REEP5: variants seen among roughly 807,000 people sequenced by gnomAD.
REEP5 encodes receptor expression-enhancing protein 5.
A neutral mutation model predicts 22.4 loss-of-function variants in REEP5; 24 were observed. That is an observed-to-expected ratio of 1.07 (90% CI 0.78 to 1.51). The LOEUF is 1.51. REEP5 is among the 40% of genes most tolerant of loss of function. The pLI, the probability that REEP5 is intolerant of heterozygous loss-of-function variation, is 0.00. For missense variants in REEP5, 252 were observed against 233.0 expected (o/e 1.08, Z -0.53); for synonymous variants, 103 against 88.6 (o/e 1.16, Z -0.92).
chr5:112,910,490 T>G (rs1231522997), intron 2 of REEP5, among the ~76,000 whole-genome samples: 4 of 152,196 alleles, frequency 2.6e-5, no homozygotes, highest in African/African-American at 9.7e-5. Flanking sequence ...AAAACTTCAC[T>G]TACCACCTAG....
At chr5:112,886,022 G>A (rs1406319793) in intron 4 of REEP5, among the ~76,000 whole-genome samples, 1 of 152,140 alleles carries the variant, frequency 6.6e-6, no homozygotes, top group Non-Finnish European at 1.5e-5. Flanking sequence ...CCCCTTCAGC[G>A]ACATGGCCTC....
At chr5:112,896,589 G>A (rs1768687271) in intron 3 of REEP5, 1 of 152,106 alleles carries the variant, frequency 6.6e-6, no homozygotes, top group South Asian at 2.1e-4. Flanking sequence ...AATAGCACAG[G>A]TGACAATTCA....
chr5:112,888,112 G>A (rs1386997707), intron 3 of REEP5, among the ~76,000 whole-genome samples: 1 of 152,138 alleles, frequency 6.6e-6, no homozygotes, highest in African/African-American at 2.4e-5. Flanking sequence ...TTCCAAATCA[G>A]TATTTTTTAC....
intron 3 of REEP5, chr5:112,892,765 G>T: frequency 6.2e-7 from 1 of 1,613,880 alleles, no homozygotes; most frequent in South Asian, 1.1e-5. Context: ...GGGCCACCAC[G>T]ACCACTACTA....
intron 3 of REEP5, chr5:112,893,578 C>T (rs1768573739): frequency 6.5e-6 from 1 of 152,936 alleles, no homozygotes; most frequent in African/African-American, 2.4e-5. Flanking sequence ...GTTTACTGAG[C>T]ACAGATCTTG....
chr5:112,903,428 T>C (rs1334176011), intron 2 of REEP5, among the ~76,000 whole-genome samples: 1 of 152,104 alleles, frequency 6.6e-6, no homozygotes, highest in South Asian at 2.1e-4. Flanking sequence ...ATGGGGACTT[T>C]GGGGAAAGGG....
chr5:112,915,437 A>G (rs1460159251), intron 2 of REEP5, among the ~76,000 whole-genome samples: 1 of 152,232 alleles, frequency 6.6e-6, no homozygotes, highest in Admixed American at 6.5e-5. Flanking sequence ...AAGTTGTTAT[A>G]AGGATATTTT....
In REEP5 at chr5:112,891,722, TGAA is replaced by T. The variant is rs746729650; in HGVS notation, c.352-4542_352-4540del. On this transcript the variant is annotated intron_variant, in intron 3 of 4. Transcript: ENST00000379638. ...AGCCACAAAAAGTACAGGGCCGCCC[TGAA>T]GAAGGAGAAACGAAAGAAACGTCGG... 34 of 1,613,944 alleles carry T rather than the reference TGAA, an allele frequency of 2.1e-5. No individual in the cohort carries two copies. In the East Asian group the frequency reaches 4.7e-4, roughly 22 times the overall value.
At chr5:112,921,834 T>G (rs1769379571) in intron 1 of REEP5, 3 of 407,154 alleles carry the variant, frequency 7.4e-6, no homozygotes, top group Non-Finnish European at 1.3e-5. Flanking sequence ...CCCTTCCAGC[T>G]GCCAGCGCCC....
intron 2 of REEP5, among the ~76,000 whole-genome samples, chr5:112,917,991 T>C (rs925139724): frequency 1.3e-5 from 2 of 152,188 alleles, no homozygotes; most frequent in Non-Finnish European, 2.9e-5. Flanking sequence ...TTTATAAGTA[T>C]CTAAATTATA....
intron 2 of REEP5, among the ~76,000 whole-genome samples, chr5:112,908,105 T>G (rs1163886431): frequency 3.4e-5 from 5 of 147,098 alleles, no homozygotes; most frequent in East Asian, 1.9e-4. Flanking sequence ...TTTTTTGTTT[T>G]TTTTTTTTTT....
At chr5:112,903,791 G>T (rs958770812) in intron 2 of REEP5, among the ~76,000 whole-genome samples, 2 of 152,188 alleles carry the variant, frequency 1.3e-5, no homozygotes, top group Non-Finnish European at 2.9e-5. Context: ...AAGACAGAGA[G>T]AGGAACAAGT....
chr5:112,878,319 C>G lies in REEP5; in HGVS notation c.*467G>C, dbSNP rs1767959293. The G allele has an allele frequency of 6.4e-6, 1 of 157,062 alleles. No individual in the cohort carries two copies. Among genetic ancestry groups the G allele is most frequent in the Non-Finnish European group, 1.4e-5 (1 of 70,786 alleles). The allele number at this position is 157,062 out of a possible 1,614,324, so 9.7% of individuals were successfully genotyped here. A position where few individuals can be genotyped will look rare whatever the true frequency, so the allele number is the denominator to read the frequency against. On this transcript the variant is annotated 3_prime_UTR_variant, in exon 5 of 5. Transcript: ENST00000379638. ...CCATGAGCATGATGCATGTTGTAGT[C>G]AGACAGTAACATTTCCATATGTACA...
intron 1 of REEP5, 166 bp downstream of exon 1, chr5:112,921,907 G>C: frequency 1.2e-6 from 1 of 865,972 alleles, no homozygotes; most frequent in Non-Finnish European, 1.6e-6. Context: ...GGGGTCCTCC[G>C]ATGCCCACGC....
chr5:112,918,603 G>A (rs934888683), intron 2 of REEP5, among the ~76,000 whole-genome samples: 1 of 152,202 alleles, frequency 6.6e-6, no homozygotes. Context: ...CCTTACAGAG[G>A]TCACAGCAGC....
chr5:112,892,010 G>T, intron 3 of REEP5: 1 of 1,298,564 alleles, frequency 7.7e-7, no homozygotes, highest in Non-Finnish European at 1.1e-6. Flanking sequence ...AGGAAAGAGA[G>T]AGAAGAGGAG....
At chr5:112,906,516 A>T (rs140345266) in intron 2 of REEP5, among the ~76,000 whole-genome samples, 2 of 152,300 alleles carry the variant, frequency 1.3e-5, no homozygotes, top group Admixed American at 1.3e-4. Flanking sequence ...GCCACAGAGC[A>T]GAAAAATAGG....
chr5:112,886,364 A>G (rs927584301), intron 4 of REEP5, among the ~76,000 whole-genome samples: 1 of 152,176 alleles, frequency 6.6e-6, no homozygotes, highest in Non-Finnish European at 1.5e-5. Context: ...TGCCCTAAAT[A>G]TTTATTATGT....
intron 4 of REEP5, chr5:112,885,170 A>G: frequency 5.8e-6 from 1 of 171,360 alleles, no homozygotes; most frequent in Non-Finnish European, 1.3e-5. Context: ...TCATGGTGCC[A>G]GCCCAGAGAG....
Sources: gnomAD v4.1 joint callset for allele counts (sites outside exome capture counted in the v4.1 genomes callset) on GRCh38, gnomAD v4.1.1 for gene constraint, MANE v1.5 for transcripts, NCBI Gene and HGNC (gene_info 2026-07-23, HGNC 2026-07-21) for gene names.